The following PREP variants were observed in gnomAD, a reference collection of about 807,000 sequenced individuals.
PREP encodes the protein dJ355L5.1 (prolyl endopeptidase).
Under a neutral mutation model 87.6 loss-of-function variants are expected in PREP, and 29 were observed. That is an observed-to-expected ratio of 0.33 (90% CI 0.25 to 0.45). The LOEUF is 0.45. Among genes scored for constraint, PREP ranks in the 20% least tolerant of loss-of-function variants. The probability of loss-of-function intolerance (pLI) is 1.00; values close to 1 mark genes in which losing one functional copy is unlikely to be tolerated. For synonymous variants in PREP, 337 were observed against 328.6 expected, an observed-to-expected ratio of 1.03 and a Z score of -0.28; for missense variants, 695 against 886.5, an observed-to-expected ratio of 0.78 and a Z score of 2.74.
chr6:105,306,778 A>G (rs773675175), intron 10 of PREP, among the ~76,000 whole-genome samples: 35 of 150,062 alleles, frequency 2.3e-4, no homozygotes, highest in Non-Finnish European at 4.9e-4. Flanking sequence ...CCCCTTCACA[A>G]CTTTCCCTGG....
At chr6:105,279,981 G>GC (rs1227239751) in intron 14 of PREP, among the ~76,000 whole-genome samples, 1 of 152,124 alleles carries the variant, frequency 6.6e-6, no homozygotes, top group Non-Finnish European at 1.5e-5. Context: ...AATGAGGCCT[G>GC]CATGTACTGA....
intron 6 of PREP, among the ~76,000 whole-genome samples, chr6:105,364,679 G>A (rs1343783900): frequency 1.3e-5 from 2 of 152,106 alleles, no homozygotes; most frequent in African/African-American, 4.8e-5. Context: ...TAAATCCTCC[G>A]TCCAGTTTCA....
At chr6:105,367,497 C>T (rs893290846) in intron 6 of PREP, among the ~76,000 whole-genome samples, 1 of 152,018 alleles carries the variant, frequency 6.6e-6, no homozygotes, top group Non-Finnish European at 1.5e-5. Flanking sequence ...AACGGTGAAA[C>T]CCCGTCTCTA....
intron 2 of PREP, among the ~76,000 whole-genome samples, chr6:105,377,752 T>C (rs971729940): frequency 2.0e-5 from 3 of 152,230 alleles, no homozygotes; most frequent in Non-Finnish European, 4.4e-5. Context: ...ACTCAGCTAA[T>C]GCTTACAGGG....
At chr6:105,336,503 C>T (rs1771482384) in intron 7 of PREP, among the ~76,000 whole-genome samples, 1 of 152,052 alleles carries the variant, frequency 6.6e-6, no homozygotes, top group African/African-American at 2.4e-5. Flanking sequence ...TTTTTTGCTC[C>T]CTGTATTTTG....
rs771837536 is a variant in PREP, at chr6:105,294,786, G to A, written c.1318-5892C>T. On this transcript the variant is annotated intron_variant, in intron 10 of 14. Coordinates refer to ENST00000652536, the MANE Select transcript of PREP (RefSeq NM_002726.5). ...CCTTGTAGCTCCAACTTGCTCTTTC[G>A]CCACTTCTGTCATTTCCTTACCCCT... Among the ~76,000 whole-genome samples, 22 of 152,088 alleles carry A rather than the reference G, an allele frequency of 1.4e-4. 1 individual carries two copies. The highest frequency in any genetic ancestry group is 2.0e-4 in the Admixed American group (3 of 15,262).
chr6:105,371,426 G>A (rs952992161), intron 5 of PREP, among the ~76,000 whole-genome samples: 4 of 147,030 alleles, frequency 2.7e-5, no homozygotes, highest in Non-Finnish European at 5.9e-5. Flanking sequence ...ACTTGAACCC[G>A]GGAGGTACAG....
At chr6:105,345,768 G>A (rs919677094) in intron 7 of PREP, among the ~76,000 whole-genome samples, 2 of 152,146 alleles carry the variant, frequency 1.3e-5, no homozygotes, top group Non-Finnish European at 2.9e-5. Flanking sequence ...TCTTTAAATG[G>A]CATTAGGAAA....
At chr6:105,366,127 T>G (rs373409659) in intron 6 of PREP, among the ~76,000 whole-genome samples, 4 of 152,098 alleles carry the variant, frequency 2.6e-5, no homozygotes, top group Non-Finnish European at 4.4e-5. Context: ...TGGTGGTCCA[T>G]GCCTGTGTAA....
At chr6:105,363,220 C>G (rs1037586908) in intron 6 of PREP, among the ~76,000 whole-genome samples, 1 of 152,078 alleles carries the variant, frequency 6.6e-6, no homozygotes, top group Admixed American at 6.5e-5. Context: ...GGGAGATAAT[C>G]ACAAAGAAGC....
intron 7 of PREP, among the ~76,000 whole-genome samples, chr6:105,339,963 ACT>A (rs760991799): frequency 1.1e-4 from 16 of 152,312 alleles, no homozygotes; most frequent in Non-Finnish European, 1.9e-4. Context: ...GTTGGAAAAC[ACT>A]CTGCAGGATA....
intron 7 of PREP, among the ~76,000 whole-genome samples, chr6:105,340,188 G>A (rs1488038389): frequency 6.6e-6 from 1 of 152,188 alleles, no homozygotes. Flanking sequence ...ACTAAAAGCA[G>A]ATCTCTCGGC....
In PREP at chr6:105,276,861, T is replaced by C. The variant is rs894174121; in HGVS notation, c.*1283A>G. Among the ~76,000 whole-genome samples, 3 of 152,190 alleles carry C rather than the reference T, an allele frequency of 2.0e-5. No individual in the cohort carries two copies. The highest frequency in any genetic ancestry group is 7.2e-5 in the African/African-American group (3 of 41,456). On this transcript the variant is annotated 3_prime_UTR_variant, in exon 15 of 15. Transcript: ENST00000652536. ...GAGTGCTCTTAAAAGCACATACATA[T>C]ACAACTTGGAAGATGGGACTTACTT... is the stretch of plus-strand genomic sequence containing the variant.
intron 10 of PREP, among the ~76,000 whole-genome samples, chr6:105,316,592 G>A (rs1770875304): frequency 6.6e-6 from 1 of 152,136 alleles, no homozygotes; most frequent in Admixed American, 6.5e-5. Context: ...CGAGGAATCT[G>A]CAAAGTACAA....
At position 105,355,461 on chromosome 6, in the gene PREP, T is replaced by C. The variant is rs532003501; in HGVS notation, c.718-2384A>G. Among the ~76,000 whole-genome samples, 102 of 152,320 alleles carry C rather than the reference T, an allele frequency of 6.7e-4. 1 individual carries two copies. The highest frequency in any genetic ancestry group is 2.3e-3 in the African/African-American group (95 of 41,574). ...GACTTGCACTGTTTCCACTGGGAAT[T>C]TGGTGTCATTTCTTATCTTTGTTTC... On this transcript the variant is annotated intron_variant, in intron 6 of 14. Transcript: ENST00000652536.
chr6:105,398,032 C>T, intron 1 of PREP, 105 bp from the exon 2 acceptor site: 1 of 854,006 alleles, frequency 1.2e-6, no homozygotes, highest in Admixed American at 2.2e-5. Context: ...GACAAAAATG[C>T]TAATTGGCTC....
At chr6:105,374,714 TTAAA>T (rs1438105922) in intron 4 of PREP, among the ~76,000 whole-genome samples, 2 of 120,736 alleles carry the variant, frequency 1.7e-5, no homozygotes, top group African/African-American at 3.7e-5. Context: ...TCAGAAAAAT[TTAAA>T]TAAAACATTT....
intron 7 of PREP, among the ~76,000 whole-genome samples, chr6:105,339,498 C>A (rs1331742399): frequency 3.9e-5 from 6 of 152,204 alleles, no homozygotes; most frequent in African/African-American, 1.4e-4. Flanking sequence ...GTACACAGCT[C>A]CTCGCCAGCA....
Position 105,277,785 on chromosome 6 carries a change from A to C in PREP, c.*359T>G, listed in dbSNP as rs1769977763. On this transcript the variant is annotated 3_prime_UTR_variant, in exon 15 of 15. Coordinates refer to ENST00000652536, the MANE Select transcript of PREP (RefSeq NM_002726.5). Reference sequence around the variant, plus strand: ...CTCCATGAGAACAGTTCTCACATTTATTTAAAGATATAGAGGTTATGGATA... The same window carrying C: ...CTCCATGAGAACAGTTCTCACATTTCTTTAAAGATATAGAGGTTATGGATA... 1 of 203,516 alleles carries C rather than the reference A, an allele frequency of 4.9e-6. No homozygotes were observed. The highest frequency in any genetic ancestry group is 1.0e-5 in the Non-Finnish European group (1 of 99,854). 12.6% of individuals were successfully genotyped at this position (203,516 alleles called of 1,614,324 possible).
Sources: allele counts gnomAD v4.1 joint callset (sites outside exome capture counted in the v4.1 genomes callset), GRCh38; gene constraint gnomAD v4.1.1; transcripts MANE v1.5; gene names NCBI Gene and HGNC (gene_info 2026-07-23, HGNC 2026-07-21).